ZNF236: variants seen among roughly 807,000 people sequenced by gnomAD.
ZNF236 encodes zinc finger protein 236.
Under a neutral mutation model 191.2 loss-of-function variants are expected in ZNF236, and 50 were observed. That is an observed-to-expected ratio of 0.26 (90% CI 0.21 to 0.33). The LOEUF (loss-of-function observed/expected upper bound fraction) is 0.33. Among genes scored for constraint, ZNF236 ranks in the 10% least tolerant of loss-of-function variants. The pLI is 1.00. For missense variants in ZNF236, 1,754 were observed against 2,374.5 expected (o/e 0.74, Z 5.43); for synonymous variants, 907 against 928.8 (o/e 0.98, Z 0.43).
chr18:76,944,929 G>T (rs898377424), intron 26 of ZNF236, among the ~76,000 whole-genome samples: 1 of 152,142 alleles, frequency 6.6e-6, no homozygotes, highest in Admixed American at 6.5e-5. Context: ...AGTACAGAGA[G>T]ATTCCACATA....
chr18:76,897,246 C>T (rs956034391), intron 10 of ZNF236, among the ~76,000 whole-genome samples: 1 of 151,234 alleles, frequency 6.6e-6, no homozygotes, highest in Non-Finnish European at 1.5e-5. Flanking sequence ...CAGTACTGCC[C>T]ACTGGTACCT....
intron 3 of ZNF236, among the ~76,000 whole-genome samples, chr18:76,866,788 C>A (rs1053208586): frequency 1.3e-5 from 2 of 152,080 alleles, no homozygotes; most frequent in African/African-American, 4.8e-5. Flanking sequence ...GTTCTTCTTA[C>A]AGAAGAACAC....
chr18:76,955,972 T>C lies in ZNF236; in HGVS notation c.4915-13T>C, dbSNP rs572931778. The C allele has an allele frequency of 7.5e-6, 12 of 1,603,982 alleles. No individual in the cohort carries two copies. The South Asian group carries it at 9.0e-5, about 12-fold the overall frequency. On this transcript the variant is annotated splice_polypyrimidine_tract_variant and intron_variant, in intron 27 of 30. Coordinates refer to ENST00000320610, the MANE Select transcript of ZNF236 (RefSeq NM_001306089.2). Reference sequence around the variant, plus strand: ...CAAGTGAGTGGAAAGTCACAATTTCTGGCTCTTTCCAGGTAGCTGGCGTCT... The same window carrying C: ...CAAGTGAGTGGAAAGTCACAATTTCCGGCTCTTTCCAGGTAGCTGGCGTCT...
intron 27 of ZNF236, among the ~76,000 whole-genome samples, chr18:76,953,115 C>T (rs1437300368): frequency 2.6e-5 from 4 of 152,182 alleles, no homozygotes; most frequent in Non-Finnish European, 4.4e-5. Context: ...AATGGAAAAA[C>T]GTCTTTATCC....
At position 76,957,573 on chromosome 18, in the gene ZNF236, C is replaced by T. The variant is rs1428487623; in HGVS notation, c.5112+1391C>T. Among the ~76,000 whole-genome samples the T allele has an allele frequency of 5.9e-5, 9 of 152,182 alleles. No individual in the cohort carries two copies. The East Asian group carries it at 1.5e-3, about 26-fold the overall frequency. On this transcript the variant is annotated intron_variant, in intron 28 of 30. Transcript: ENST00000320610. ...AGGTGCATGTGCAGGGTTTGTTATACAGGTAAACTCAGGTCACAGGGGATT... is the reference window on the plus strand; with the variant it reads ...AGGTGCATGTGCAGGGTTTGTTATATAGGTAAACTCAGGTCACAGGGGATT...
chr18:76,883,745 A>G (rs550336657), intron 9 of ZNF236, among the ~76,000 whole-genome samples: 1 of 152,256 alleles, frequency 6.6e-6, no homozygotes, highest in South Asian at 2.1e-4. Context: ...ACGTTTCTAT[A>G]TAAAGATGTT....
chr18:76,948,777 C>T (rs1027160641), intron 27 of ZNF236, among the ~76,000 whole-genome samples: 4 of 152,256 alleles, frequency 2.6e-5, no homozygotes, highest in Admixed American at 1.3e-4. Context: ...ATGGAATGCC[C>T]GCGTGGTTGG....
At chr18:76,924,250 G>C (rs781149482) in intron 21 of ZNF236, among the ~76,000 whole-genome samples, 3 of 152,210 alleles carry the variant, frequency 2.0e-5, no homozygotes. Context: ...CCCAGGCCTA[G>C]GGCACGGCCT....
rs1430682811 is a variant in ZNF236 at position 76,972,446 on chromosome 18, C to T, written c.*4107C>T. ...CCTCACCCTCACACACTCACCCACA[C>T]ACTCACCCTCACACTCACCCACACA... On this transcript the variant is annotated 3_prime_UTR_variant, in exon 31 of 31. Transcript: ENST00000320610. Among the ~76,000 whole-genome samples the T allele has an allele frequency of 1.3e-5, 2 of 151,828 alleles. No homozygotes were observed. The highest frequency in any genetic ancestry group is 4.8e-5 in the African/African-American group (2 of 41,344).
intron 1 of ZNF236, among the ~76,000 whole-genome samples, chr18:76,847,570 T>A (rs571208557): frequency 1.1e-4 from 17 of 152,060 alleles, no homozygotes; most frequent in Non-Finnish European, 1.0e-4. Context: ...GGTTCACGCC[T>A]TTCTCCTGTG....
At position 76,971,321 on chromosome 18, in the gene ZNF236, A is replaced by T. The variant is rs1968905829; in HGVS notation, c.*2982A>T. 6.6e-6 allele frequency among the ~76,000 whole-genome samples: 1 copy of T among 152,186 alleles called. No individual in the cohort carries two copies. Among genetic ancestry groups the T allele is most frequent in the Non-Finnish European group, 1.5e-5 (1 of 68,024 alleles). ...TACTTTTTCCCCTTTGAAAAACTTG[A>T]GGCACTTAGAAAGTATCTAAATAGA... On this transcript the variant is annotated 3_prime_UTR_variant, in exon 31 of 31. Transcript: ENST00000320610.
intron 26 of ZNF236, among the ~76,000 whole-genome samples, chr18:76,939,014 C>T (rs1305138537): frequency 2.0e-5 from 3 of 152,136 alleles, no homozygotes; most frequent in Non-Finnish European, 4.4e-5. Context: ...GTTAGCAATT[C>T]GTATCATGTT....
At chr18:76,834,846 G>C in intron 1 of ZNF236, 1 of 434,450 alleles carries the variant, frequency 2.3e-6, no homozygotes, top group East Asian at 6.4e-5. Flanking sequence ...TGCCTTTTGT[G>C]GTTGTTACTT....
rs940409608 is a variant in ZNF236, at chr18:76,852,994, G to A, written c.363+1055G>A. ...GCTTGTGATATTTCCAATTCACCAT[G>A]GGTTTATCAGGATGTAATCCCATTG... On this transcript the variant is annotated intron_variant, in intron 3 of 30. Transcript: ENST00000320610. Among the ~76,000 whole-genome samples, 3 of 152,100 alleles carry A rather than the reference G, an allele frequency of 2.0e-5. No individual in the cohort carries two copies. In the East Asian group the frequency reaches 5.8e-4, roughly 29 times the overall value.
intron 21 of ZNF236, among the ~76,000 whole-genome samples, chr18:76,924,879 T>A (rs1967632281): frequency 6.6e-6 from 1 of 152,160 alleles, no homozygotes; most frequent in African/African-American, 2.4e-5. Context: ...TACCACCCAT[T>A]AGCTTCTGAT....
At chr18:76,873,670 C>T (rs1420155632) in intron 5 of ZNF236, among the ~76,000 whole-genome samples, 1 of 152,170 alleles carries the variant, frequency 6.6e-6, no homozygotes, top group Non-Finnish European at 1.5e-5. Flanking sequence ...TTGTGTATGC[C>T]CCAGCAGGGC....
At chr18:76,827,790 A>C (rs1463080499) in intron 1 of ZNF236, among the ~76,000 whole-genome samples, 1 of 152,230 alleles carries the variant, frequency 6.6e-6, no homozygotes, top group Admixed American at 6.5e-5. Context: ...CCCTGGCACT[A>C]TCCTGGGGAT....
intron 10 of ZNF236, among the ~76,000 whole-genome samples, chr18:76,896,416 C>T (rs1202596698): frequency 1.4e-5 from 2 of 147,512 alleles, no homozygotes; most frequent in Admixed American, 1.4e-4. Flanking sequence ...CACAGTACTA[C>T]ACACAAGTAC....
chr18:76,959,590 C>A, intron 28 of ZNF236, 97 bp from the exon 29 acceptor site: 1 of 1,403,846 alleles, frequency 7.1e-7, no homozygotes, highest in Non-Finnish European at 9.5e-7. Flanking sequence ...TTTGTCCTTG[C>A]CACTGACTTG....
Sources: gnomAD v4.1 joint callset for allele counts (sites outside exome capture counted in the v4.1 genomes callset) on GRCh38, gnomAD v4.1.1 for gene constraint, MANE v1.5 for transcripts, NCBI Gene and HGNC (gene_info 2026-07-23, HGNC 2026-07-21) for gene names.